Variants in FRMD4A observed in about 807,000 individuals in gnomAD.
The protein encoded by FRMD4A is FERM domain containing 4A, also known as FERM domain-containing protein 4A.
In FRMD4A, 29 loss-of-function variants were observed where a neutral mutation model predicts 129.1. The observed-to-expected ratio is 0.22, with a 90% CI of 0.17 to 0.31. The LOEUF (loss-of-function observed/expected upper bound fraction) is 0.31. Ranked by LOEUF, FRMD4A falls within the 10% of genes least tolerant of loss-of-function variation. The pLI, the probability that FRMD4A is intolerant of heterozygous loss-of-function variation, is 1.00. For missense variants in FRMD4A, 1,272 were observed against 1,375.8 expected (o/e 0.92, Z 1.19); for synonymous variants, 634 against 571.6 (o/e 1.11, Z -1.56).
intron 3 of FRMD4A, among the ~76,000 whole-genome samples, chr10:13,855,391 G>A (rs2094199438): frequency 6.6e-6 from 1 of 152,078 alleles, no homozygotes; most frequent in Admixed American, 6.5e-5. Flanking sequence ...TCCTCATAGT[G>A]GGTAAAAACT....
intron 8 of FRMD4A, among the ~76,000 whole-genome samples, chr10:13,753,541 A>ATTTTTTTT (rs35813128): frequency 1.7e-5 from 2 of 115,306 alleles, no homozygotes; most frequent in Non-Finnish European, 3.5e-5. Flanking sequence ...GTACCTTTCT[A>ATTTTTTTT]TTTTTTTTTT....
intron 3 of FRMD4A, among the ~76,000 whole-genome samples, chr10:13,856,282 G>A (rs904878096): frequency 1.3e-5 from 2 of 150,994 alleles, no homozygotes; most frequent in African/African-American, 4.9e-5. Flanking sequence ...CCTCTGTGAA[G>A]CAACTGGTAC....
chr10:13,983,971 C>A (rs1408125816), intron 2 of FRMD4A, among the ~76,000 whole-genome samples: 1 of 151,782 alleles, frequency 6.6e-6, no homozygotes, highest in Non-Finnish European at 1.5e-5. Context: ...CCACTGTACT[C>A]CAGCCTGGGT....
intron 2 of FRMD4A, among the ~76,000 whole-genome samples, chr10:14,328,071 G>A (rs1374469178): frequency 2.0e-5 from 3 of 152,094 alleles, no homozygotes; most frequent in Non-Finnish European, 4.4e-5. Context: ...AAGTCCATAG[G>A]GGAAAATTTC....
At chr10:13,915,562 C>T (rs952385229) in intron 2 of FRMD4A, among the ~76,000 whole-genome samples, 3 of 151,478 alleles carry the variant, frequency 2.0e-5, no homozygotes, top group Admixed American at 1.3e-4. Flanking sequence ...GTCCCAGCTA[C>T]TCGGGAGGCT....
intron 2 of FRMD4A, among the ~76,000 whole-genome samples, chr10:13,902,367 A>C (rs906698427): frequency 6.6e-6 from 1 of 151,778 alleles, no homozygotes; most frequent in Non-Finnish European, 1.5e-5. Context: ...ATTTAGAAAG[A>C]TCTCTCTGCA....
At chr10:14,229,803 A>G (rs1348102085) in intron 2 of FRMD4A, among the ~76,000 whole-genome samples, 1 of 152,224 alleles carries the variant, frequency 6.6e-6, no homozygotes, top group African/African-American at 2.4e-5. Flanking sequence ...TATATAAAAT[A>G]TAAAACTAAA....
At chr10:13,890,753 G>T in intron 2 of FRMD4A, 1 of 985,370 alleles carries the variant, frequency 1.0e-6, no homozygotes, top group Non-Finnish European at 1.2e-6. Flanking sequence ...AGTCCTTTGC[G>T]GGCATTGGTT....
chr10:13,801,915 A>G (rs2093263123), intron 4 of FRMD4A, among the ~76,000 whole-genome samples: 1 of 151,488 alleles, frequency 6.6e-6, no homozygotes, highest in African/African-American at 2.4e-5. Flanking sequence ...ATACAGTTTA[A>G]CTAAGAGATG....
intron 3 of FRMD4A, among the ~76,000 whole-genome samples, chr10:13,839,355 T>A (rs945156099): frequency 6.6e-6 from 1 of 152,140 alleles, no homozygotes; most frequent in African/African-American, 2.4e-5. Context: ...TTTATTTAAT[T>A]ATCCACCTGA....
intron 2 of FRMD4A, among the ~76,000 whole-genome samples, chr10:14,301,910 T>G (rs559851966): frequency 1.3e-5 from 2 of 152,004 alleles, no homozygotes; most frequent in Admixed American, 6.6e-5. Context: ...GTTGGAGGAA[T>G]TCAGTGAGCA....
chr10:13,765,319 G>C (rs1471120607), intron 6 of FRMD4A, among the ~76,000 whole-genome samples: 1 of 151,942 alleles, frequency 6.6e-6, no homozygotes, highest in African/African-American at 2.4e-5. Context: ...ATTTCACCAT[G>C]TTGGCCAGGC....
At chr10:13,668,686 A>C (rs1345403865) in intron 17 of FRMD4A, among the ~76,000 whole-genome samples, 1 of 152,010 alleles carries the variant, frequency 6.6e-6, no homozygotes, top group African/African-American at 2.4e-5. Flanking sequence ...GTGTGGTGGG[A>C]CTCTGGGAAG....
At chr10:14,199,729 T>C (rs1173812122) in intron 2 of FRMD4A, among the ~76,000 whole-genome samples, 1 of 152,122 alleles carries the variant, frequency 6.6e-6, no homozygotes, top group African/African-American at 2.4e-5. Flanking sequence ...ATTTCTAAAT[T>C]TAAATTTATC....
At chr10:13,755,517 A>G (rs1295356294) in intron 8 of FRMD4A, among the ~76,000 whole-genome samples, 2 of 152,182 alleles carry the variant, frequency 1.3e-5, no homozygotes, top group Non-Finnish European at 2.9e-5. Context: ...GGCACCTAAT[A>G]ACATGTGGTT....
chr10:13,866,422 G>A (rs2094368383), intron 2 of FRMD4A: 4 of 187,306 alleles, frequency 2.1e-5, no homozygotes, highest in Non-Finnish European at 4.0e-5. Flanking sequence ...CCCGGCACAA[G>A]TCATTGTTGG....
chr10:14,033,987 A>C (rs924212208), intron 2 of FRMD4A, among the ~76,000 whole-genome samples: 1 of 152,220 alleles, frequency 6.6e-6, no homozygotes, highest in African/African-American at 2.4e-5. Context: ...ATCCTAAGTG[A>C]ACTAACTTAG....
chr10:13,659,185 T>C, intron 21 of FRMD4A, 138 bp downstream of exon 21: 1 of 831,264 alleles, frequency 1.2e-6, no homozygotes, highest in South Asian at 1.6e-5. Context: ...GCCAGCTTGG[T>C]TTTTTATTCC....
intron 3 of FRMD4A, among the ~76,000 whole-genome samples, chr10:13,850,426 CGACCATTA>C (rs2094125114): frequency 6.6e-6 from 1 of 152,136 alleles, no homozygotes; most frequent in Non-Finnish European, 1.5e-5. Flanking sequence ...GACAGGAAGG[CGACCATTA>C]TTTCATCCAC....
Sources: gnomAD v4.1 joint callset for allele counts (sites outside exome capture counted in the v4.1 genomes callset) on GRCh38, gnomAD v4.1.1 for gene constraint, MANE v1.5 for transcripts, NCBI Gene and HGNC (gene_info 2026-07-23, HGNC 2026-07-21) for gene names.